GNB4: variants seen among roughly 807,000 people sequenced by gnomAD.
GNB4 encodes guanine nucleotide-binding protein subunit beta-4.
A neutral mutation model predicts 45.2 loss-of-function variants in GNB4; 28 were observed. The ratio of observed to expected loss-of-function variants is 0.62; its 90% CI spans 0.46 to 0.85. GNB4 has a LOEUF of 0.85. Ranked by LOEUF, GNB4 falls within the 40% of genes least tolerant of loss-of-function variation. The pLI is 0.00. For synonymous variants in GNB4, 132 were observed against 143.7 expected, an observed-to-expected ratio of 0.92 and a Z score of 0.58; for missense variants, 321 against 425.4, an observed-to-expected ratio of 0.75 and a Z score of 2.16.
Position 179,405,209 on chromosome 3 carries a change from C to T in GNB4, c.897G>A (p.Thr299=), listed in dbSNP as rs1431464178. 3.1e-6 allele frequency: 5 copies of T among 1,613,662 alleles called. No homozygotes were observed. Among genetic ancestry groups the T allele is most frequent in the Admixed American group, 3.3e-5 (2 of 59,988 alleles). The change falls in exon 9 of 10, where the codon ACG becomes ACA. Residue 299 remains threonine, a synonymous_variant. Coordinates refer to ENST00000232564, the MANE Select transcript of GNB4 (RefSeq NM_021629.4). ...ACTAACCTGCACGATCTCCTTTTAG[C>T]GTGTCCCATACATTACAATTAAAGT... ...YDDFNCNVWD[T]LKGDRAGVLA...
chr3:179,503,819 C>G, the GNB4 span, among the ~76,000 whole-genome samples: 1 of 152,144 alleles, frequency 6.6e-6, no homozygotes, highest in Non-Finnish European at 1.5e-5. Context: ...AGGGCAGTGG[C>G]CTTAAATTGT....
the GNB4 span, among the ~76,000 whole-genome samples, chr3:179,517,348 T>C: frequency 3.3e-5 from 5 of 152,060 alleles, no homozygotes; most frequent in Admixed American, 3.3e-4. Flanking sequence ...CCAAATCTTA[T>C]AAAACGGCCC....
At chr3:179,416,891 T>C (rs988007329) in intron 4 of GNB4, among the ~76,000 whole-genome samples, 3 of 152,224 alleles carry the variant, frequency 2.0e-5, no homozygotes, top group Non-Finnish European at 4.4e-5. Flanking sequence ...ATGACAAGAA[T>C]GTACATAGAA....
chr3:179,504,049 G>C, the GNB4 span, among the ~76,000 whole-genome samples: 1 of 152,080 alleles, frequency 6.6e-6, no homozygotes, highest in South Asian at 2.1e-4. Flanking sequence ...AGTTTCCAGG[G>C]ATGAGTGGGA....
chr3:179,518,394 C>T, the GNB4 span, among the ~76,000 whole-genome samples: 1 of 151,942 alleles, frequency 6.6e-6, no homozygotes, highest in African/African-American at 2.4e-5. Context: ...CAACTCGTCC[C>T]AAATCTTCCT....
intron 1 of GNB4, among the ~76,000 whole-genome samples, chr3:179,444,203 A>T (rs1349834910): frequency 1.3e-5 from 2 of 152,088 alleles, no homozygotes; most frequent in African/African-American, 4.8e-5. Context: ...TCTTACAGCC[A>T]GGAGGAGTCT....
chr3:179,420,167 G>A (rs762758902), intron 3 of GNB4, among the ~76,000 whole-genome samples: 23 of 147,572 alleles, frequency 1.6e-4, no homozygotes, highest in South Asian at 1.1e-3. Flanking sequence ...GTCTCACTTT[G>A]TCTCCTGGGC....
intron 6 of GNB4, among the ~76,000 whole-genome samples, 177 bp downstream of exon 6, chr3:179,414,708 A>G (rs1395994880): frequency 6.6e-6 from 1 of 150,740 alleles, no homozygotes; most frequent in Non-Finnish European, 1.5e-5. Flanking sequence ...AAATAAAATT[A>G]TGATCAACGT....
the GNB4 span, among the ~76,000 whole-genome samples, chr3:179,470,910 T>G: frequency 2.6e-5 from 4 of 152,212 alleles, no homozygotes; most frequent in African/African-American, 9.6e-5. Context: ...CCGGGCGCCG[T>G]GGCTTACGCC....
chr3:179,420,911 C>A lies in GNB4; in HGVS notation c.74G>T (p.Cys25Phe), dbSNP rs780747783. 1 of 1,590,466 alleles carries A rather than the reference C, an allele frequency of 6.3e-7. No individual in the cohort carries two copies. Among genetic ancestry groups the A allele is most frequent in the East Asian group, 2.3e-5 (1 of 44,300 alleles). Reference protein sequence around the residue: ...RNQIQDARKACNDATLVQITS... With the variant: ...RNQIQDARKAFNDATLVQITS... ...TACCTGAACAAGCGTTGCATCATTA[C>A]ATGCTTTCCGAGCATCCTGAAGTAA... Residue 25 changes from cysteine to phenylalanine, a missense_variant, in exon 3 of 10, where the codon TGT becomes TTT. Physicochemically the swap from Cys to Phe is radical, Grantham distance 205 (BLOSUM62 -2). Transcript: ENST00000232564.
the GNB4 span, among the ~76,000 whole-genome samples, chr3:179,510,600 C>CTT: frequency 3.3e-4 from 48 of 144,580 alleles, no homozygotes; most frequent in Middle Eastern, 3.6e-3. Flanking sequence ...CCTATTTGCT[C>CTT]TTTTTTTTTT....
intron 1 of GNB4, among the ~76,000 whole-genome samples, chr3:179,429,159 C>A (rs1036686234): frequency 1.3e-5 from 2 of 152,178 alleles, no homozygotes; most frequent in Non-Finnish European, 2.9e-5. Flanking sequence ...GGTTGTTTTG[C>A]AACATGCAAC....
chr3:179,460,824 T>C, the GNB4 span, among the ~76,000 whole-genome samples: 1 of 152,114 alleles, frequency 6.6e-6, no homozygotes, highest in African/African-American at 2.4e-5. Flanking sequence ...TAATTTTTTA[T>C]CTTTTATTTT....
At chr3:179,413,951 C>T (rs1341414872) in intron 6 of GNB4, among the ~76,000 whole-genome samples, 170 bp from the exon 7 acceptor site, 2 of 152,108 alleles carry the variant, frequency 1.3e-5, no homozygotes, top group African/African-American at 4.8e-5. Context: ...TGTCTATAAA[C>T]CAAATTTTAT....
the GNB4 span, among the ~76,000 whole-genome samples, chr3:179,502,468 A>C: frequency 3.9e-5 from 6 of 151,946 alleles, no homozygotes; most frequent in Non-Finnish European, 7.4e-5. Flanking sequence ...CCTGACCTCA[A>C]GTGATCTGCC....
At chr3:179,489,564 G>A in the GNB4 span, among the ~76,000 whole-genome samples, 5 of 152,018 alleles carry the variant, frequency 3.3e-5, no homozygotes, top group African/African-American at 9.7e-5. Flanking sequence ...TCACTTGAGC[G>A]CAGGAGTCTG....
chr3:179,439,648 A>G (rs561299623), intron 1 of GNB4, among the ~76,000 whole-genome samples: 7 of 152,354 alleles, frequency 4.6e-5, no homozygotes, highest in African/African-American at 1.4e-4. Flanking sequence ...AGACAAATGT[A>G]TATCTCACTG....
At chr3:179,422,461 T>TG (rs1248383576) in intron 2 of GNB4, among the ~76,000 whole-genome samples, 7 of 141,674 alleles carry the variant, frequency 4.9e-5, no homozygotes, top group Admixed American at 2.1e-4. Flanking sequence ...ACCCTGTCTC[T>TG]GGAAAAAAAA....
At position 179,420,938 on chromosome 3, in the gene GNB4, A is replaced by G; in HGVS notation, c.58-11T>C. 1 of 1,537,610 alleles carries G rather than the reference A, an allele frequency of 6.5e-7. No homozygotes were observed. The highest frequency in any genetic ancestry group is 9.0e-7 in the Non-Finnish European group (1 of 1,114,412). Reference sequence around the variant, plus strand: ...TGCTTTCCGAGCATCCTGAAGTAAAAAAATATGATTATAATGCATTTAGCA... The same window carrying G: ...TGCTTTCCGAGCATCCTGAAGTAAAGAAATATGATTATAATGCATTTAGCA... On this transcript the variant is annotated splice_polypyrimidine_tract_variant and intron_variant, in intron 2 of 9. Transcript: ENST00000232564.
Sources: gnomAD v4.1 joint callset for allele counts (sites outside exome capture counted in the v4.1 genomes callset) on GRCh38, gnomAD v4.1.1 for gene constraint, MANE v1.5 for transcripts, NCBI Gene and HGNC (gene_info 2026-07-23, HGNC 2026-07-21) for gene names.